Variants in SRGAP1 observed in about 807,000 individuals in gnomAD.
SRGAP1 encodes SLIT-ROBO Rho GTPase activating protein 1, also known as SLIT-ROBO Rho GTPase-activating protein 1.
A neutral mutation model predicts 121.9 loss-of-function variants in SRGAP1; 43 were observed. The ratio of observed to expected loss-of-function variants is 0.35; its 90% confidence interval spans 0.28 to 0.46. The LOEUF is 0.46. Among genes scored for constraint, SRGAP1 ranks in the 20% least tolerant of loss-of-function variants. The pLI, the probability that SRGAP1 is intolerant of heterozygous loss-of-function variation, is 1.00. For missense variants in SRGAP1, 1,102 were observed against 1,350.9 expected (o/e 0.82, Z 2.89); for synonymous variants, 447 against 485.4 (o/e 0.92, Z 1.04).
intron 15 of SRGAP1, among the ~76,000 whole-genome samples, chr12:64,105,784 A>C (rs942544318): frequency 2.6e-5 from 4 of 151,358 alleles, no homozygotes; most frequent in African/African-American, 9.8e-5. Context: ...ACTCTGTCTC[A>C]AAAACAACAA....
At chr12:63,849,591 G>A (rs1010964667) in intron 1 of SRGAP1, among the ~76,000 whole-genome samples, 2 of 152,174 alleles carry the variant, frequency 1.3e-5, no homozygotes, top group Admixed American at 1.3e-4. Context: ...AGTAGCAGAT[G>A]GAACATGAGG....
At chr12:63,943,351 G>A (rs2031930603) in intron 1 of SRGAP1, among the ~76,000 whole-genome samples, 1 of 152,246 alleles carries the variant, frequency 6.6e-6, no homozygotes, top group East Asian at 1.9e-4. Flanking sequence ...ATATCCCACA[G>A]AGTTAGTTAA....
chr12:63,852,507 G>T (rs1256915434), intron 1 of SRGAP1, among the ~76,000 whole-genome samples: 1 of 152,172 alleles, frequency 6.6e-6, no homozygotes, highest in Non-Finnish European at 1.5e-5. Flanking sequence ...CAGATTCCCA[G>T]CTCATTATAA....
Position 63,874,849 on chromosome 12 carries a change from GTAAT to G in SRGAP1, c.67+29972_67+29975del, listed in dbSNP as rs375659308. Among the ~76,000 whole-genome samples the G allele has an allele frequency of 1.3e-3, 196 of 152,126 alleles. 1 individual carries two copies. Among genetic ancestry groups the G allele is most frequent in the African/African-American group, 4.6e-3 (191 of 41,510 alleles). ...ATATTTTTAAAAACTCACTCTAATT[GTAAT>G]TAATTGTTTGTGTAACTACTTGTTT... On this transcript the variant is annotated intron_variant, in intron 1 of 21. Coordinates refer to ENST00000355086, the MANE Select transcript of SRGAP1 (RefSeq NM_020762.4).
chr12:64,034,333 T>C lies in SRGAP1; in HGVS notation c.490-8457T>C, dbSNP rs887710704. 7.9e-5 allele frequency among the ~76,000 whole-genome samples: 12 copies of C among 152,240 alleles called. No homozygotes were observed. The East Asian group carries it at 2.1e-3, about 27-fold the overall frequency. ...CCTGCTTCCCCTTCACCTTCCACCATGATTGTAAGTTTCCTGAAGCCTCCC... is the reference window on the plus strand; with the variant it reads ...CCTGCTTCCCCTTCACCTTCCACCACGATTGTAAGTTTCCTGAAGCCTCCC... On this transcript the variant is annotated intron_variant, in intron 4 of 21. Transcript: ENST00000355086.
At chr12:63,911,014 C>T (rs1169960399) in intron 1 of SRGAP1, among the ~76,000 whole-genome samples, 1 of 151,944 alleles carries the variant, frequency 6.6e-6, no homozygotes, top group East Asian at 1.9e-4. Flanking sequence ...AAAGAAAACA[C>T]TTTGGCCAGG....
intron 21 of SRGAP1, among the ~76,000 whole-genome samples, chr12:64,138,446 CTTTTTTTTTTT>C (rs60769104): frequency 1.3e-5 from 1 of 78,670 alleles, no homozygotes; most frequent in Non-Finnish European, 2.3e-5. Context: ...AATAAATTGA[CTTTTTTTTTTT>C]TTTTTTTTTT....
intron 1 of SRGAP1, among the ~76,000 whole-genome samples, chr12:63,862,233 G>A (rs1454500127): frequency 6.6e-6 from 1 of 152,156 alleles, no homozygotes; most frequent in African/African-American, 2.4e-5. Flanking sequence ...TGCAGCAAAG[G>A]TAGTAGTTTA....
chr12:64,003,484 A>G (rs1376585142), intron 3 of SRGAP1, among the ~76,000 whole-genome samples: 48 of 151,664 alleles, frequency 3.2e-4, no homozygotes, highest in African/African-American at 1.1e-3. Flanking sequence ...TTCAGAAAAA[A>G]AAAAAAAAAA....
Position 64,072,108 on chromosome 12 carries a change from C to CTGTGTGTGTGTGTGTGTGTG in SRGAP1, c.1126-6790_1126-6771dup, listed in dbSNP as rs66959510. ...ATTACGGAGTTGACCCAATCTCTCT[C>CTGTGTGTGTGTGTGTGTGTG]TGTGTGTGTGTGTGTGTGTGTGTGT... is the stretch of plus-strand genomic sequence containing the variant. On this transcript the variant is annotated intron_variant, in intron 8 of 21. Transcript: ENST00000355086. Among the ~76,000 whole-genome samples, 16 of 80,424 alleles carry CTGTGTGTGTGTGTGTGTGTG rather than the reference C, an allele frequency of 2.0e-4. 1 individual carries two copies. The highest frequency in any genetic ancestry group is 5.5e-4 in the South Asian group (1 of 1,814). 52.8% of individuals were successfully genotyped at this position (80,424 alleles called of 152,430 possible). A position where few individuals can be genotyped will look rare whatever the true frequency, so the allele number is the denominator to read the frequency against.
Position 64,145,869 on chromosome 12 carries a change from C to T in SRGAP1, c.*3197C>T, listed in dbSNP as rs1224167324. On this transcript the variant is annotated 3_prime_UTR_variant, in exon 22 of 22. Transcript: ENST00000355086. ...CTGCCCCCAATTTCAAGGAGCTTATCAGGCTTCATGTGCAATTTGGGGAGG... is the reference window on the plus strand; with the variant it reads ...CTGCCCCCAATTTCAAGGAGCTTATTAGGCTTCATGTGCAATTTGGGGAGG... The T allele has an allele frequency of 1.3e-5, 2 of 152,168 alleles. No homozygotes were observed. The highest frequency in any genetic ancestry group is 6.5e-5 in the Admixed American group (1 of 15,274). The allele number at this position is 152,168 out of a possible 1,614,324, so 9.4% of individuals were successfully genotyped here.
chr12:64,014,960 G>A (rs995813790), intron 3 of SRGAP1, among the ~76,000 whole-genome samples: 2 of 144,438 alleles, frequency 1.4e-5, no homozygotes, highest in African/African-American at 4.9e-5. Context: ...GGAATTACAG[G>A]TGTGTGCCAC....
At chr12:64,061,113 G>A (rs2035443027) in intron 6 of SRGAP1, among the ~76,000 whole-genome samples, 1 of 151,922 alleles carries the variant, frequency 6.6e-6, no homozygotes, top group African/African-American at 2.4e-5. Flanking sequence ...CCAGTATTAT[G>A]CTTTTTTTCA....
In SRGAP1 at chr12:64,032,665, G is replaced by A. The variant is rs148353926; in HGVS notation, c.490-10125G>A. 4.7e-3 allele frequency: 1,362 copies of A among 286,790 alleles called. 12 individuals carry two copies. The highest frequency in any genetic ancestry group is 0.028 in the African/African-American group (1,219 of 44,288). The allele number at this position is 286,790 out of a possible 1,614,324, so 17.8% of individuals were successfully genotyped here. A position where few individuals can be genotyped will look rare whatever the true frequency, so the allele number is the denominator to read the frequency against. Reference sequence around the variant, plus strand: ...TGACGTGATTTCCTATTACAAACAAGTGAGATGAGCTTTCAAAGCAAAAAA... The same window carrying A: ...TGACGTGATTTCCTATTACAAACAAATGAGATGAGCTTTCAAAGCAAAAAA... On this transcript the variant is annotated intron_variant, in intron 4 of 21. Coordinates refer to ENST00000355086, the MANE Select transcript of SRGAP1 (RefSeq NM_020762.4).
chr12:64,082,766 G>C (rs1022410726), intron 10 of SRGAP1, among the ~76,000 whole-genome samples: 9 of 152,076 alleles, frequency 5.9e-5, no homozygotes, highest in Admixed American at 2.6e-4. Context: ...CTTTATCTTG[G>C]AATTTTTTTC....
Position 64,151,222 on chromosome 12 carries a change from T to C in SRGAP1, c.*8550T>C, listed in dbSNP as rs1236218882. ...ATATTGTCTTCTAATCCTTACATTA[T>C]GTTATTTTTAAGCAGAGTCAAACTC... On this transcript the variant is annotated 3_prime_UTR_variant, in exon 22 of 22. Transcript: ENST00000355086. The C allele has an allele frequency of 6.6e-6, 1 of 152,160 alleles. No homozygotes were observed. Among genetic ancestry groups the C allele is most frequent in the Non-Finnish European group, 1.5e-5 (1 of 68,030 alleles). The allele number at this position is 152,160 out of a possible 1,614,324, so 9.4% of individuals were successfully genotyped here.
At chr12:64,086,963 C>G in intron 10 of SRGAP1, 36 bp from the exon 11 acceptor site, 1 of 1,548,270 alleles carries the variant, frequency 6.5e-7, no homozygotes, top group South Asian at 1.1e-5. Context: ...CTGCTGATTC[C>G]TTTCAGTTTA....
chr12:64,150,599 A>C lies in SRGAP1; in HGVS notation c.*7927A>C, dbSNP rs932283575. The stretch of plus-strand genomic sequence containing the variant: ...ATTCAAAATTGTACAATGACATGAC[A>C]TTAACTCAAAAATGAAGTTTGAGGT... On this transcript the variant is annotated 3_prime_UTR_variant, in exon 22 of 22. Transcript: ENST00000355086. 3.4e-5 allele frequency: 5 copies of C among 149,058 alleles called. No homozygotes were observed. The highest frequency in any genetic ancestry group is 2.0e-4 in the Admixed American group (3 of 14,822). 9.2% of individuals were successfully genotyped at this position (149,058 alleles called of 1,614,324 possible).
chr12:64,122,577 A>G (rs772276180), intron 18 of SRGAP1, among the ~76,000 whole-genome samples: 21 of 152,216 alleles, frequency 1.4e-4, no homozygotes, highest in Non-Finnish European at 2.1e-4. Flanking sequence ...ATAAATAAGC[A>G]GAGTCTGATA....
Sources: gnomAD v4.1 joint callset for allele counts (sites outside exome capture counted in the v4.1 genomes callset) on GRCh38, gnomAD v4.1.1 for gene constraint, MANE v1.5 for transcripts, NCBI Gene and HGNC (gene_info 2026-07-23, HGNC 2026-07-21) for gene names.